The following TMEM117 variants were observed in gnomAD, a reference collection of about 807,000 sequenced individuals.
TMEM117 encodes transmembrane protein 117.
In TMEM117, 27 loss-of-function variants were observed where a neutral mutation model predicts 52.4. The observed-to-expected ratio is 0.51, with a 90% CI of 0.38 to 0.71. TMEM117 has a LOEUF of 0.71. Ranked by LOEUF, TMEM117 falls within the 30% of genes least tolerant of loss-of-function variation. TMEM117 has a pLI of 0.00. For missense variants in TMEM117, 556 were observed against 630.5 expected (o/e 0.88, Z 1.26); for synonymous variants, 215 against 206.3 (o/e 1.04, Z -0.36).
At chr12:44,180,728 A>G (rs1650929006) in intron 4 of TMEM117, among the ~76,000 whole-genome samples, 1 of 152,092 alleles carries the variant, frequency 6.6e-6, no homozygotes, top group African/African-American at 2.4e-5. Flanking sequence ...GTAATGTGCC[A>G]CATTTTCTTA....
At chr12:44,045,274 C>T (rs1946862848) in intron 3 of TMEM117, among the ~76,000 whole-genome samples, 1 of 152,198 alleles carries the variant, frequency 6.6e-6, no homozygotes, top group Admixed American at 6.5e-5. Flanking sequence ...CCCAATTTGC[C>T]AGCAGTAGAG....
At chr12:44,162,295 G>A (rs1215615880) in intron 4 of TMEM117, among the ~76,000 whole-genome samples, 2 of 151,992 alleles carry the variant, frequency 1.3e-5, no homozygotes, top group African/African-American at 4.8e-5. Flanking sequence ...CAAAGTTTGG[G>A]GTGGGTGTCA....
At chr12:43,817,414 T>C in the TMEM117 span, among the ~76,000 whole-genome samples, 3 of 152,254 alleles carry the variant, frequency 2.0e-5, no homozygotes, top group Non-Finnish European at 2.9e-5. Context: ...CATTTGTTTA[T>C]TTCCATTTGG....
At chr12:43,828,227 C>A in the TMEM117 span, among the ~76,000 whole-genome samples, 1 of 152,194 alleles carries the variant, frequency 6.6e-6, no homozygotes, top group Non-Finnish European at 1.5e-5. Flanking sequence ...CCTTAGTCTA[C>A]AATATTTTGA....
rs1460751975 is a variant in TMEM117, at chr12:44,235,784, A to C, written c.608+24397A>C. 2.6e-5 allele frequency among the ~76,000 whole-genome samples: 4 copies of C among 151,792 alleles called. No homozygotes were observed. The East Asian group carries it at 5.8e-4, about 22-fold the overall frequency. On this transcript the variant is annotated intron_variant, in intron 5 of 7. Coordinates refer to ENST00000266534, the MANE Select transcript of TMEM117 (RefSeq NM_032256.3). ...AAATTCCCAGGTATTGTTTCCTTGA[A>C]AATGTCTTACTTTAATCTTATAGTC...
In TMEM117 at chr12:44,090,839, G is replaced by GTTTTTTTTTTTTTTT. The variant is rs1264179472; in HGVS notation, c.411-52677_411-52676insTTTTTTTTTTTTTTT. Among the ~76,000 whole-genome samples, 57 of 104,790 alleles carry GTTTTTTTTTTTTTTT rather than the reference G, an allele frequency of 5.4e-4. 7 individuals are homozygous for GTTTTTTTTTTTTTTT. Among genetic ancestry groups the GTTTTTTTTTTTTTTT allele is most frequent in the African/African-American group, 2.4e-3 (53 of 22,134 alleles). The allele number at this position is 104,790 out of a possible 152,430, so 68.7% of individuals were successfully genotyped here. ...CTAATTCTTAATCCTGTATTTATGT[G>GTTTTTTTTTTTTTTT]TTTTTTTTTGTTTTTTTTTTTTTTT... On this transcript the variant is annotated intron_variant, in intron 3 of 7. Transcript: ENST00000266534.
At chr12:44,386,727 T>C (rs1257475399) in intron 7 of TMEM117, among the ~76,000 whole-genome samples, 1 of 152,064 alleles carries the variant, frequency 6.6e-6, no homozygotes, top group African/African-American at 2.4e-5. Flanking sequence ...GAAACTGGGC[T>C]TTGGAGTGTT....
In TMEM117 at chr12:44,376,451, A is replaced by G. The variant is rs1951942190; in HGVS notation, c.769-144A>G. On this transcript the variant is annotated intron_variant, in intron 6 of 7. Transcript: ENST00000266534. The stretch of plus-strand genomic sequence containing the variant: ...GCTACCTAATGTACATAAAATAACC[A>G]TCACAGAATGAAACTGATATATCCA... 8.5e-6 allele frequency: 8 copies of G among 943,580 alleles called. No individual in the cohort carries two copies. The East Asian group carries it at 1.7e-4, about 20-fold the overall frequency. 58.5% of individuals were successfully genotyped at this position (943,580 alleles called of 1,614,324 possible). A position where few individuals can be genotyped will look rare whatever the true frequency, so the allele number is the denominator to read the frequency against.
intron 3 of TMEM117, among the ~76,000 whole-genome samples, chr12:44,141,213 C>A (rs1030984271): frequency 2.6e-5 from 4 of 152,082 alleles, no homozygotes; most frequent in Admixed American, 6.6e-5. Context: ...TCCATGATAC[C>A]AAATTTGTGA....
intron 4 of TMEM117, among the ~76,000 whole-genome samples, chr12:44,171,568 A>G (rs1398067457): frequency 6.6e-6 from 1 of 152,116 alleles, no homozygotes; most frequent in Non-Finnish European, 1.5e-5. Context: ...AAGCCTCTGA[A>G]TACATTGAGC....
chr12:43,887,231 C>T (rs1243347672), intron 2 of TMEM117, among the ~76,000 whole-genome samples: 1 of 152,156 alleles, frequency 6.6e-6, no homozygotes, highest in African/African-American at 2.4e-5. Flanking sequence ...GAAGTACTGC[C>T]TGGGACAAAG....
intron 7 of TMEM117, among the ~76,000 whole-genome samples, chr12:44,386,860 C>T (rs557981097): frequency 6.6e-6 from 1 of 152,140 alleles, no homozygotes; most frequent in South Asian, 2.1e-4. Flanking sequence ...TTTTCCTAAA[C>T]TCCTCGCAGT....
At chr12:43,923,022 ACC>A (rs1565752861) in intron 2 of TMEM117, among the ~76,000 whole-genome samples, 3 of 152,148 alleles carry the variant, frequency 2.0e-5, no homozygotes, top group Non-Finnish European at 4.4e-5. Context: ...GGTTGGACAC[ACC>A]TCTGCTGGAG....
At chr12:44,145,759 G>T (rs1207112731) in intron 4 of TMEM117, among the ~76,000 whole-genome samples, 1 of 152,146 alleles carries the variant, frequency 6.6e-6, no homozygotes, top group Non-Finnish European at 1.5e-5. Context: ...GATGCAGGAG[G>T]CTAAGATGAT....
At chr12:43,830,503 A>C in the TMEM117 span, among the ~76,000 whole-genome samples, 1 of 151,120 alleles carries the variant, frequency 6.6e-6, no homozygotes, top group African/African-American at 2.4e-5. Context: ...GCAGCTACTC[A>C]GGAGGCTGAG....
At chr12:44,205,295 G>A (rs886278277) in intron 4 of TMEM117, among the ~76,000 whole-genome samples, 2 of 152,178 alleles carry the variant, frequency 1.3e-5, no homozygotes, top group Non-Finnish European at 2.9e-5. Flanking sequence ...GAGTTCCCCT[G>A]TACAAGCTCT....
chr12:44,319,290 A>G (rs1951100526), intron 6 of TMEM117, among the ~76,000 whole-genome samples: 1 of 152,208 alleles, frequency 6.6e-6, no homozygotes. Flanking sequence ...AATTCCTGGT[A>G]TCTTTTCCTC....
intron 2 of TMEM117, among the ~76,000 whole-genome samples, chr12:43,871,279 T>A (rs1266955735): frequency 6.6e-6 from 1 of 151,812 alleles, no homozygotes. Flanking sequence ...ATTTTTGTAT[T>A]TTTTAGTAGA....
intron 6 of TMEM117, among the ~76,000 whole-genome samples, chr12:44,368,686 G>C (rs1951823409): frequency 6.6e-6 from 1 of 152,148 alleles, no homozygotes; most frequent in African/African-American, 2.4e-5. Flanking sequence ...AGCCAGAACA[G>C]ATACTGGAGC....
Sources: gnomAD v4.1 joint callset for allele counts (sites outside exome capture counted in the v4.1 genomes callset) on GRCh38, gnomAD v4.1.1 for gene constraint, MANE v1.5 for transcripts, NCBI Gene and HGNC (gene_info 2026-07-23, HGNC 2026-07-21) for gene names.